Variants in TPD52L2 observed in about 807,000 individuals in gnomAD.
TPD52L2 encodes the protein TPD52 like 2.
A neutral mutation model predicts 24.7 loss-of-function variants in TPD52L2; 19 were observed. The ratio of observed to expected loss-of-function variants is 0.77; its 90% CI spans 0.54 to 1.13. TPD52L2 has a LOEUF of 1.13. Ranked by LOEUF, TPD52L2 falls within the 50% of genes most tolerant of loss-of-function variation. The pLI is 0.00. For missense variants in TPD52L2, 236 were observed against 250.4 expected (o/e 0.94, Z 0.39); for synonymous variants, 104 against 100.2 (o/e 1.04, Z -0.23).
intron 4 of TPD52L2, 94 bp downstream of exon 4, chr20:63,875,969 T>A: frequency 7.7e-7 from 1 of 1,295,760 alleles, no homozygotes; most frequent in Non-Finnish European, 1.1e-6. Flanking sequence ...GGCACAAAGC[T>A]TGTTTTGGTA....
intron 1 of TPD52L2, among the ~76,000 whole-genome samples, chr20:63,868,366 G>GA (rs1474074199): frequency 2.6e-5 from 4 of 152,224 alleles, no homozygotes; most frequent in African/African-American, 9.6e-5. Flanking sequence ...TTGACATGAA[G>GA]AAAAAACAGT....
intron 5 of TPD52L2, chr20:63,885,989 C>G (rs1296391509): frequency 6.2e-7 from 1 of 1,614,070 alleles, no homozygotes; most frequent in Non-Finnish European, 8.5e-7. Flanking sequence ...ACTTCGTTTC[C>G]TCTTCTCTCC....
chr20:63,869,230 A>T, intron 1 of TPD52L2, 66 bp from the exon 2 acceptor site: 1 of 1,588,314 alleles, frequency 6.3e-7, no homozygotes, highest in Non-Finnish European at 8.6e-7. Context: ...CCTGCTAGAG[A>T]CCTCTACCGT....
chr20:63,886,122 G>T, intron 5 of TPD52L2: 1 of 1,431,704 alleles, frequency 7.0e-7, no homozygotes, highest in Non-Finnish European at 9.9e-7. Flanking sequence ...GCCCTTGGGC[G>T]GCTGTGCTAG....
chr20:63,876,978 T>C, intron 4 of TPD52L2: 1 of 454,696 alleles, frequency 2.2e-6, no homozygotes, highest in South Asian at 1.6e-5. Flanking sequence ...ATCTGGGTGC[T>C]CTGGGGACCC....
At chr20:63,888,724 G>T (rs2053222293) in intron 5 of TPD52L2, 1 of 168,578 alleles carries the variant, frequency 5.9e-6, no homozygotes, top group South Asian at 1.4e-4. Flanking sequence ...GAGAGCCCGG[G>T]GTATCCCTGT....
In TPD52L2 at chr20:63,877,664, G is replaced by T. The variant is rs1325714905; in HGVS notation, c.374+1789G>T. On this transcript the variant is annotated intron_variant, in intron 4 of 6. Coordinates refer to ENST00000346249, the MANE Select transcript of TPD52L2 (RefSeq NM_003288.4). The surrounding 1 kb of genome is among the most constrained non-coding windows in gnomAD (Gnocchi z 4.1). Reference sequence around the variant, plus strand: ...TTGTAAAACCAACTGACATAAAGCTGCCGGGATCCTATTTCAAATAAATAG... The same window carrying T: ...TTGTAAAACCAACTGACATAAAGCTTCCGGGATCCTATTTCAAATAAATAG... 6.6e-6 allele frequency among the ~76,000 whole-genome samples: 1 copy of T among 152,250 alleles called. No homozygotes were observed.
chr20:63,866,251 C>T (rs1235051441), intron 1 of TPD52L2, among the ~76,000 whole-genome samples: 4 of 151,638 alleles, frequency 2.6e-5, no homozygotes, highest in African/African-American at 4.8e-5. Context: ...ACTACAGGCA[C>T]GCGCCACCAG....
intron 5 of TPD52L2, among the ~76,000 whole-genome samples, chr20:63,884,152 A>G (rs1167551744): frequency 6.6e-6 from 1 of 152,046 alleles, no homozygotes; most frequent in Non-Finnish European, 1.5e-5. Context: ...TCCTCTGTGC[A>G]CCCTCACACG....
At chr20:63,889,768 G>A (rs1568965523) in intron 6 of TPD52L2, 82 bp from the exon 7 acceptor site, 1 of 1,334,618 alleles carries the variant, frequency 7.5e-7, no homozygotes, top group Non-Finnish European at 1.0e-6. Flanking sequence ...CTTTTGTAGA[G>A]CATTGAGCAT....
chr20:63,873,596 G>A, intron 2 of TPD52L2, 72 bp from the exon 3 acceptor site: 7 of 1,523,736 alleles, frequency 4.6e-6, no homozygotes, highest in African/African-American at 1.4e-5. Flanking sequence ...GTAACTCATG[G>A]CACTGTGCAT....
intron 5 of TPD52L2, among the ~76,000 whole-genome samples, chr20:63,884,025 G>C (rs1209918855): frequency 1.3e-5 from 2 of 152,164 alleles, no homozygotes; most frequent in African/African-American, 4.8e-5. Context: ...CAGGAGCTGT[G>C]CCCACTTTTA....
chr20:63,876,731 C>T (rs935486253), intron 4 of TPD52L2: 6 of 455,544 alleles, frequency 1.3e-5, no homozygotes, highest in Non-Finnish European at 2.6e-5. Flanking sequence ...GCTGGCACTG[C>T]GTGCACATGG....
chr20:63,870,130 A>C (rs986619437), intron 2 of TPD52L2, among the ~76,000 whole-genome samples: 5 of 152,230 alleles, frequency 3.3e-5, no homozygotes, highest in Non-Finnish European at 7.3e-5. Flanking sequence ...CTGTCTCAAA[A>C]ACAAAACAAA....
rs1377176095 is a variant in TPD52L2 at position 63,889,175 on chromosome 20, CCT to C, written c.477-8_477-7del. ...TCTCCTCTTGACACCGACACTCTTC[CCT>C]CTCTCTTTAAAGGAACTCTGCGACC... On this transcript the variant is annotated splice_polypyrimidine_tract_variant and intron_variant, in intron 5 of 6. Transcript: ENST00000346249. 1.1e-5 allele frequency: 17 copies of C among 1,612,642 alleles called. No homozygotes were observed. Among genetic ancestry groups the C allele is most frequent in the Non-Finnish European group, 1.4e-5 (17 of 1,179,262 alleles).
chr20:63,869,220 C>G, intron 1 of TPD52L2, 76 bp from the exon 2 acceptor site: 4 of 1,564,894 alleles, frequency 2.6e-6, no homozygotes, highest in Non-Finnish European at 3.5e-6. Context: ...GTGCTTTTGT[C>G]CTGCTAGAGA....
At chr20:63,887,829 T>A (rs1029085480) in intron 5 of TPD52L2, 2 of 586,696 alleles carry the variant, frequency 3.4e-6, no homozygotes, top group Non-Finnish European at 6.1e-6. Flanking sequence ...CCAGAGGAGA[T>A]CCTTGTGTCA....
chr20:63,886,450 T>C (rs375149596), intron 5 of TPD52L2, among the ~76,000 whole-genome samples: 4,345 of 151,452 alleles, frequency 0.029, 219 homozygotes, highest in African/African-American at 0.099. Context: ...AAGCTCCGCC[T>C]CCCGGGTTCA....
At chr20:63,875,738 C>A in intron 3 of TPD52L2, 78 bp from the exon 4 acceptor site, 1 of 1,481,798 alleles carries the variant, frequency 6.7e-7, no homozygotes, top group Non-Finnish European at 9.4e-7. Context: ...TCTGTCTTCC[C>A]TGGAACTTCA....
Sources: gnomAD v4.1 joint callset for allele counts (sites outside exome capture counted in the v4.1 genomes callset) on GRCh38, gnomAD v4.1.1 for gene constraint, Gnocchi (gnomAD v3.1) non-coding constraint, MANE v1.5 for transcripts, NCBI Gene and HGNC (gene_info 2026-07-23, HGNC 2026-07-21) for gene names.